Variants in RIMKLB observed in about 807,000 individuals in gnomAD.
RIMKLB encodes the protein beta-citrylglutamate synthase B.
In RIMKLB, 7 loss-of-function variants were observed where a neutral mutation model predicts 32.0. That is an observed-to-expected ratio of 0.22 (90% CI 0.12 to 0.41). The LOEUF (loss-of-function observed/expected upper bound fraction) is 0.41. RIMKLB is among the 10% of genes least tolerant of loss of function. The pLI is 1.00. For missense variants in RIMKLB, 289 were observed against 498.7 expected (o/e 0.58, Z 4.00); for synonymous variants, 172 against 185.1 (o/e 0.93, Z 0.57).
At chr12:8,769,792 A>G (rs889792029) in intron 5 of RIMKLB, among the ~76,000 whole-genome samples, 3 of 152,228 alleles carry the variant, frequency 2.0e-5, no homozygotes, top group African/African-American at 7.2e-5. Context: ...TATCATCATA[A>G]TAATAATGAA....
chr12:8,714,876 C>A (rs1280596022), intron 2 of RIMKLB, among the ~76,000 whole-genome samples: 1 of 152,104 alleles, frequency 6.6e-6, no homozygotes, highest in African/African-American at 2.4e-5. Flanking sequence ...AGATCACTTT[C>A]TTCCTTTGTG....
At position 8,754,083 on chromosome 12, in the gene RIMKLB, C is replaced by A; in HGVS notation, c.687C>A (p.Asn229Lys). 1 of 1,611,482 alleles carries A rather than the reference C, an allele frequency of 6.2e-7. No individual in the cohort carries two copies. The highest frequency in any genetic ancestry group is 8.5e-7 in the Non-Finnish European group (1 of 1,177,610). Residue 229 changes from asparagine to lysine, a missense_variant, in exon 5 of 6, where the codon AAC (asparagine) becomes AAA (lysine). Asn to Lys is a moderately conservative substitution (Grantham distance 94, BLOSUM62 0). Transcript: ENST00000535829. ...CAACAGATGGGAGAATGCAAAGCAA[C>A]TGCTCATTAGGTAAAAATAATGCAA... ...RCSTDGRMQS[N>K]CSLGGVGMMC... is the part of the protein sequence containing the mutation.
Position 8,744,846 on chromosome 12 carries a change from TTC to T in RIMKLB, c.176-5014_176-5013del, listed in dbSNP as rs1462860746. On this transcript the variant is annotated intron_variant, in intron 2 of 5. Coordinates refer to ENST00000535829, the MANE Select transcript of RIMKLB (RefSeq NM_001297776.2). Reference sequence around the variant, plus strand: ...TAATTTTTGCATTTTTTAAAATTCTTTCTTTTTTTATTATTGTACTTTAAGTT... The same window carrying T: ...TAATTTTTGCATTTTTTAAAATTCTTTTTTTTTATTATTGTACTTTAAGTT... Among the ~76,000 whole-genome samples the T allele has an allele frequency of 8.6e-5, 13 of 150,818 alleles. No homozygotes were observed. In the East Asian group the frequency reaches 2.5e-3, roughly 29 times the overall value.
chr12:8,682,583 T>C (rs1024556537), intron 1 of RIMKLB, among the ~76,000 whole-genome samples: 7 of 151,788 alleles, frequency 4.6e-5, no homozygotes, highest in African/African-American at 1.7e-4. Context: ...CCATCCTGGC[T>C]AACACGGTGA....
chr12:8,677,355 T>C (rs1056809172), upstream of RIMKLB, among the ~76,000 whole-genome samples: 4 of 152,122 alleles, frequency 2.6e-5, no homozygotes, highest in African/African-American at 9.7e-5. Flanking sequence ...TTTGCCTAAC[T>C]TGAGTCCCAG....
At chr12:8,772,924 G>T (rs1950523667) in intron 5 of RIMKLB, among the ~76,000 whole-genome samples, 1 of 152,152 alleles carries the variant, frequency 6.6e-6, no homozygotes, top group South Asian at 2.1e-4. Flanking sequence ...AGAAAACTGT[G>T]TTCACGTCAC....
At chr12:8,703,886 T>C (rs766535200) in intron 1 of RIMKLB, among the ~76,000 whole-genome samples, 21 of 152,262 alleles carry the variant, frequency 1.4e-4, no homozygotes, top group Non-Finnish European at 2.5e-4. Context: ...TTACTCAGTA[T>C]GTGAATTTAT....
intron 5 of RIMKLB, among the ~76,000 whole-genome samples, chr12:8,772,839 C>T (rs1349312581): frequency 2.6e-5 from 4 of 152,202 alleles, no homozygotes; most frequent in Admixed American, 6.5e-5. Flanking sequence ...CACTTATATC[C>T]AGCCAGCTAC....
intron 5 of RIMKLB, among the ~76,000 whole-genome samples, chr12:8,762,071 G>GGT (rs1197952867): frequency 6.6e-6 from 1 of 152,158 alleles, no homozygotes; most frequent in African/African-American, 2.4e-5. Flanking sequence ...GGGGCATATG[G>GGT]GTGTGGGTGG....
At chr12:8,701,999 C>A (rs1474989203) in intron 1 of RIMKLB, among the ~76,000 whole-genome samples, 7 of 150,026 alleles carry the variant, frequency 4.7e-5, no homozygotes, top group African/African-American at 1.7e-4. Context: ...GAGCAAGACT[C>A]CATCTCAATA....
At chr12:8,764,337 G>A (rs990508030) in intron 5 of RIMKLB, among the ~76,000 whole-genome samples, 7 of 152,156 alleles carry the variant, frequency 4.6e-5, no homozygotes, top group Non-Finnish European at 7.4e-5. Context: ...ATAAACGGGT[G>A]TTCCTTGTCC....
chr12:8,678,548 G>A (rs900076042), upstream of RIMKLB, among the ~76,000 whole-genome samples: 8 of 151,810 alleles, frequency 5.3e-5, no homozygotes, highest in African/African-American at 1.7e-4. Context: ...GGCTGGTCTC[G>A]AACTCCCGAC....
intron 5 of RIMKLB, among the ~76,000 whole-genome samples, chr12:8,764,210 T>C (rs1460268614): frequency 3.3e-5 from 5 of 152,142 alleles, no homozygotes; most frequent in Non-Finnish European, 7.4e-5. Context: ...GTACTTCCTT[T>C]GGCAGGGAAA....
chr12:8,708,583 C>A (rs1347003569), intron 1 of RIMKLB, among the ~76,000 whole-genome samples: 1 of 152,080 alleles, frequency 6.6e-6, no homozygotes, highest in East Asian at 1.9e-4. Context: ...GTTTTAGATC[C>A]CAGGATGTTG....
At chr12:8,703,489 G>A (rs1395315712) in intron 1 of RIMKLB, among the ~76,000 whole-genome samples, 4 of 151,916 alleles carry the variant, frequency 2.6e-5, no homozygotes, top group African/African-American at 4.8e-5. Context: ...CAACATACCC[G>A]GCTAATTTTT....
chr12:8,768,519 A>T (rs1485221537), intron 5 of RIMKLB, among the ~76,000 whole-genome samples: 1 of 152,340 alleles, frequency 6.6e-6, no homozygotes, highest in East Asian at 1.9e-4. Context: ...TATTATTTTT[A>T]AAAAACTTTA....
chr12:8,747,565 TTTTA>T (rs909828151), intron 2 of RIMKLB, among the ~76,000 whole-genome samples: 1 of 152,184 alleles, frequency 6.6e-6, no homozygotes, highest in African/African-American at 2.4e-5. Context: ...AAGGACCTTA[TTTTA>T]TTTATTAATC....
At chr12:8,705,531 A>G (rs189208906) in intron 1 of RIMKLB, among the ~76,000 whole-genome samples, 1 of 152,084 alleles carries the variant, frequency 6.6e-6, no homozygotes, top group Non-Finnish European at 1.5e-5. Flanking sequence ...AGAAGTTAGA[A>G]TTAGCTTTTT....
chr12:8,734,128 G>A (rs774613128), intron 2 of RIMKLB, among the ~76,000 whole-genome samples: 13 of 152,282 alleles, frequency 8.5e-5, no homozygotes, highest in Admixed American at 1.3e-4. Context: ...GTGAAGTTTC[G>A]TGGAAAAGTT....
Sources: allele counts gnomAD v4.1 joint callset (sites outside exome capture counted in the v4.1 genomes callset), GRCh38; gene constraint gnomAD v4.1.1; transcripts MANE v1.5; gene names NCBI Gene and HGNC (gene_info 2026-07-23, HGNC 2026-07-21).